Variants in GATAD1 observed in about 807,000 individuals in gnomAD.
GATAD1 encodes the protein GATA zinc finger domain-containing protein 1.
In GATAD1, 12 loss-of-function variants were observed where a neutral mutation model predicts 26.5. The observed-to-expected ratio is 0.45, with a 90% confidence interval of 0.29 to 0.73. The LOEUF is 0.73. Among genes scored for constraint, GATAD1 ranks in the 30% least tolerant of loss-of-function variants. The pLI, the probability that GATAD1 is intolerant of heterozygous loss-of-function variation, is 0.10. For missense variants in GATAD1, 266 were observed against 342.1 expected (o/e 0.78, Z 1.75); for synonymous variants, 129 against 133.1 (o/e 0.97, Z 0.21).
At chr7:92,455,711 A>T (rs1789641681) in intron 4 of GATAD1, among the ~76,000 whole-genome samples, 1 of 152,206 alleles carries the variant, frequency 6.6e-6, no homozygotes, top group African/African-American at 2.4e-5. Context: ...GACAAATAAT[A>T]TACCACTGTT....
At chr7:92,470,646 T>C in the GATAD1 span, 1 of 342,862 alleles carries the variant, frequency 2.9e-6, no homozygotes, top group Non-Finnish European at 5.5e-6. Flanking sequence ...ACTTGACTAA[T>C]ACCATGTCAC....
chr7:92,488,503 G>T, the GATAD1 span, among the ~76,000 whole-genome samples: 1 of 152,094 alleles, frequency 6.6e-6, no homozygotes, highest in Non-Finnish European at 1.5e-5. Context: ...CAGATGCATA[G>T]GTGGCCATAA....
downstream of GATAD1, among the ~76,000 whole-genome samples, chr7:92,464,672 T>C (rs1790036620): frequency 6.6e-6 from 1 of 152,226 alleles, no homozygotes; most frequent in South Asian, 2.1e-4. Context: ...CTGGTCTAAC[T>C]GCTGCATGCT....
At chr7:92,491,310 A>G in the GATAD1 span, 1 of 1,613,638 alleles carries the variant, frequency 6.2e-7, no homozygotes, top group Non-Finnish European at 8.5e-7. Context: ...TCTGATTCAT[A>G]AGAGCTTCCA....
At chr7:92,469,182 T>G in the GATAD1 span, 1 of 721,230 alleles carries the variant, frequency 1.4e-6, no homozygotes. Flanking sequence ...ATTCTTCCCC[T>G]AAAAATAAAC....
At chr7:92,466,853 T>C in the GATAD1 span, among the ~76,000 whole-genome samples, 1 of 152,138 alleles carries the variant, frequency 6.6e-6, no homozygotes, top group Non-Finnish European at 1.5e-5. Flanking sequence ...GGAGTTACTT[T>C]TATAGCTTGG....
At chr7:92,480,592 G>A in the GATAD1 span, among the ~76,000 whole-genome samples, 2 of 152,208 alleles carry the variant, frequency 1.3e-5, no homozygotes, top group African/African-American at 2.4e-5. Flanking sequence ...GGGCCTGTGA[G>A]GCTGGAAGGA....
In GATAD1 at chr7:92,447,547, G is replaced by A. The variant is rs1374912877; in HGVS notation, c.-183G>A. 5.6e-6 allele frequency: 4 copies of A among 709,130 alleles called. No individual in the cohort carries two copies. Among genetic ancestry groups the A allele is most frequent in the South Asian group, 3.6e-5 (1 of 27,628 alleles). The allele number at this position is 709,130 out of a possible 1,614,324, so 43.9% of individuals were successfully genotyped here. ...CCTGGCCTCCGCCTGCGGAGCCGGCGGAACCCGCTTCCCGCCTCCACGGGG... is the reference window on the plus strand; with the variant it reads ...CCTGGCCTCCGCCTGCGGAGCCGGCAGAACCCGCTTCCCGCCTCCACGGGG... On this transcript the variant is annotated 5_prime_UTR_variant, in exon 1 of 5. Transcript: ENST00000287957.
chr7:92,476,212 C>T, the GATAD1 span, among the ~76,000 whole-genome samples: 1 of 152,222 alleles, frequency 6.6e-6, no homozygotes, highest in African/African-American at 2.4e-5. Context: ...TAGCCCCATA[C>T]TTTAAGATTT....
chr7:92,456,134 G>T (rs889528484), intron 4 of GATAD1, among the ~76,000 whole-genome samples: 2 of 152,132 alleles, frequency 1.3e-5, no homozygotes, highest in African/African-American at 2.4e-5. Context: ...GAGCAGTGTG[G>T]GTACAAAATA....
the GATAD1 span, among the ~76,000 whole-genome samples, chr7:92,484,850 C>T: frequency 3.1e-4 from 47 of 152,086 alleles, no homozygotes; most frequent in Admixed American, 1.4e-3. Context: ...ATGTCATGAG[C>T]GTCCGTGTGA....
chr7:92,456,327 A>G (rs1291560584), intron 4 of GATAD1, 45 bp from the exon 5 acceptor site: 3 of 1,299,410 alleles, frequency 2.3e-6, no homozygotes, highest in Non-Finnish European at 3.3e-6. Flanking sequence ...AAAATGATAT[A>G]TATGGTCAAA....
the GATAD1 span, among the ~76,000 whole-genome samples, chr7:92,484,653 A>G: frequency 6.6e-6 from 1 of 152,182 alleles, no homozygotes; most frequent in African/African-American, 2.4e-5. Flanking sequence ...AGGGAGTTTG[A>G]AGGGTAGCAA....
the GATAD1 span, among the ~76,000 whole-genome samples, chr7:92,480,580 A>C: frequency 6.6e-6 from 1 of 152,190 alleles, no homozygotes; most frequent in African/African-American, 2.4e-5. Context: ...ACAGAATAGA[A>C]TGGGCCTGTG....
Position 92,447,556 on chromosome 7 carries a change from T to C in GATAD1, c.-174T>C. On this transcript the variant is annotated 5_prime_UTR_variant, in exon 1 of 5. Coordinates refer to ENST00000287957, the MANE Select transcript of GATAD1 (RefSeq NM_021167.5). ...CGCCTGCGGAGCCGGCGGAACCCGCTTCCCGCCTCCACGGGGCAGCGCCAG... is the reference window on the plus strand; with the variant it reads ...CGCCTGCGGAGCCGGCGGAACCCGCCTCCCGCCTCCACGGGGCAGCGCCAG... 1 of 819,024 alleles carries C rather than the reference T, an allele frequency of 1.2e-6. No individual in the cohort carries two copies. Among genetic ancestry groups the C allele is most frequent in the Non-Finnish European group, 1.7e-6 (1 of 605,476 alleles). 50.7% of individuals were successfully genotyped at this position (819,024 alleles called of 1,614,324 possible).
chr7:92,489,555 C>G, the GATAD1 span: 1 of 1,043,752 alleles, frequency 9.6e-7, no homozygotes, highest in Non-Finnish European at 1.5e-6. Context: ...GATAATGAAA[C>G]ATTGAAAGCA....
chr7:92,455,195 G>C (rs1789619174), intron 4 of GATAD1, among the ~76,000 whole-genome samples: 2 of 152,106 alleles, frequency 1.3e-5, no homozygotes, highest in African/African-American at 4.8e-5. Context: ...TAGAAAATAT[G>C]AGGCATTTTA....
the GATAD1 span, among the ~76,000 whole-genome samples, chr7:92,474,345 TGACA>T: frequency 6.6e-6 from 1 of 152,200 alleles, no homozygotes; most frequent in Non-Finnish European, 1.5e-5. Flanking sequence ...AAGAGTCAGG[TGACA>T]GAGAGGCACG....
the GATAD1 span, chr7:92,489,978 C>T: frequency 1.7e-6 from 2 of 1,196,402 alleles, no homozygotes; most frequent in Non-Finnish European, 2.5e-6. Context: ...ATGTGTTTAC[C>T]AAATATAAAA....
Sources: gnomAD v4.1 joint callset for allele counts (sites outside exome capture counted in the v4.1 genomes callset) on GRCh38, gnomAD v4.1.1 for gene constraint, MANE v1.5 for transcripts, NCBI Gene and HGNC (gene_info 2026-07-23, HGNC 2026-07-21) for gene names.